PDE6A: variants seen among roughly 807,000 people sequenced by gnomAD.
PDE6A encodes phosphodiesterase 6A, also known as rod cGMP-specific 3',5'-cyclic phosphodiesterase subunit alpha.
Under a neutral mutation model 106.3 loss-of-function variants are expected in PDE6A, and 84 were observed. That is an observed-to-expected ratio of 0.79 (90% confidence interval 0.66 to 0.95). The LOEUF is 0.95. Among genes scored for constraint, PDE6A ranks in the 40% least tolerant of loss-of-function variants. PDE6A has a pLI of 0.00. For missense variants in PDE6A, 1,052 were observed against 1,084.9 expected (o/e 0.97, Z 0.43); for synonymous variants, 394 against 386.6 (o/e 1.02, Z -0.23).
At chr5:149,882,263 C>A (rs185397197) in intron 17 of PDE6A, among the ~76,000 whole-genome samples, 3 of 151,906 alleles carry the variant, frequency 2.0e-5, no homozygotes, top group Non-Finnish European at 2.9e-5. Context: ...CTGCCCCCCC[C>A]GTTTCCGGAG....
In PDE6A at chr5:149,944,286, G is replaced by C; in HGVS notation, c.388C>G (p.Gln130Glu). The C allele has an allele frequency of 6.2e-7, 1 of 1,613,984 alleles. No individual in the cohort carries two copies. Among genetic ancestry groups the C allele is most frequent in the East Asian group, 2.2e-5 (1 of 44,862 alleles). Reference sequence around the variant, plus strand: ...ATGTCCAAAGGGAAGACGATCTCTTGGTCGGGCATCACCAGGCAGTCCTCG... The same window carrying C: ...ATGTCCAAAGGGAAGACGATCTCTTCGTCGGGCATCACCAGGCAGTCCTCG... ...VLEDCLVMPD[Q>E]EIVFPLDMGI... The change falls in exon 1 of 22, where the codon CAA becomes GAA. Residue 130 changes from glutamine (Q) to glutamate (E), a missense_variant. Around this residue, in one of 3 missense-constraint regions of PDE6A, gnomAD observed 913 missense variants for 915.2 expected, o/e 1.00. Transcript: ENST00000255266.
At chr5:149,920,471 C>T (rs1249542401) in intron 5 of PDE6A, among the ~76,000 whole-genome samples, 1 of 152,112 alleles carries the variant, frequency 6.6e-6, no homozygotes, top group African/African-American at 2.4e-5. Context: ...ATCCTAGCTA[C>T]TCGGGAGGCT....
intron 4 of PDE6A, among the ~76,000 whole-genome samples, chr5:149,929,510 G>C (rs1561780365): frequency 6.6e-6 from 1 of 152,140 alleles, no homozygotes; most frequent in Non-Finnish European, 1.5e-5. Context: ...GGGAGACTGA[G>C]GCAGGAGAAT....
chr5:149,943,982 G>A (rs1473296141), intron 1 of PDE6A, among the ~76,000 whole-genome samples: 1 of 152,156 alleles, frequency 6.6e-6, no homozygotes, highest in Non-Finnish European at 1.5e-5. Context: ...AAATTTGGAT[G>A]AAAGACATAC....
chr5:149,939,301 G>C (rs73269798), intron 1 of PDE6A, among the ~76,000 whole-genome samples: 4 of 152,046 alleles, frequency 2.6e-5, no homozygotes, highest in Admixed American at 6.6e-5. Flanking sequence ...TAGCACAGAG[G>C]CTCCAAAAAC....
intron 9 of PDE6A, 86 bp downstream of exon 9, chr5:149,899,289 C>T (rs1339380030): frequency 6.6e-6 from 9 of 1,362,422 alleles, no homozygotes; most frequent in South Asian, 5.8e-5. Context: ...AGGTTGCTGC[C>T]CCATGTGATA....
intron 8 of PDE6A, among the ~76,000 whole-genome samples, chr5:149,902,343 C>T (rs148766445): frequency 6.6e-6 from 1 of 152,126 alleles, no homozygotes; most frequent in African/African-American, 2.4e-5. Flanking sequence ...GATGCCCCTC[C>T]TCTCCCCTCT....
chr5:149,910,195 A>T (rs987412642), intron 6 of PDE6A, among the ~76,000 whole-genome samples: 3 of 78,390 alleles, frequency 3.8e-5, no homozygotes, highest in African/African-American at 1.2e-4. Flanking sequence ...TGGTATGTCT[A>T]TTTTTCTATG....
intron 4 of PDE6A, among the ~76,000 whole-genome samples, chr5:149,928,113 A>G (rs1408599333): frequency 1.0e-4 from 15 of 149,032 alleles, no homozygotes; most frequent in Admixed American, 9.4e-4. Context: ...AAAATAATGG[A>G]AAAAAGTTGT....
rs77455557 is a variant in PDE6A at position 149,872,083 on chromosome 5, A to G, written c.2136-3925T>C. Among the ~76,000 whole-genome samples, 1,252 of 152,308 alleles carry G rather than the reference A, an allele frequency of 8.2e-3. 14 individuals carry two copies. Among genetic ancestry groups the G allele is most frequent in the African/African-American group, 0.028 (1,151 of 41,568 alleles). On this transcript the variant is annotated intron_variant, in intron 17 of 21. Coordinates refer to ENST00000255266, the MANE Select transcript of PDE6A (RefSeq NM_000440.3). ...TTATGCTCTCAGTAGACGAACTGTCAAGAGGAGGGGATGGAGTTCAATAGG... is the reference window on the plus strand; with the variant it reads ...TTATGCTCTCAGTAGACGAACTGTCGAGAGGAGGGGATGGAGTTCAATAGG...
intron 5 of PDE6A, among the ~76,000 whole-genome samples, chr5:149,918,286 G>A (rs186717853): frequency 4.6e-5 from 7 of 152,338 alleles, no homozygotes; most frequent in Admixed American, 1.3e-4. Context: ...GACACCACAC[G>A]TTTCCAGAGC....
chr5:149,912,702 A>G (rs1437634365), intron 6 of PDE6A, among the ~76,000 whole-genome samples: 1 of 152,190 alleles, frequency 6.6e-6, no homozygotes, highest in African/African-American at 2.4e-5. Flanking sequence ...CAGTGCACCC[A>G]TACTGGGATG....
At chr5:149,872,037 G>A (rs1760577848) in intron 17 of PDE6A, among the ~76,000 whole-genome samples, 1 of 152,114 alleles carries the variant, frequency 6.6e-6, no homozygotes, top group Non-Finnish European at 1.5e-5. Flanking sequence ...CAAAAATATT[G>A]TATGCTCAGA....
At chr5:149,928,094 G>A (rs1351531722) in intron 4 of PDE6A, among the ~76,000 whole-genome samples, 1 of 150,084 alleles carries the variant, frequency 6.7e-6, no homozygotes, top group Non-Finnish European at 1.5e-5. Flanking sequence ...AGTAGAAGGA[G>A]TCAACTCTAA....
rs754762237 is a variant in PDE6A, at chr5:149,896,472, C to T, written c.1504G>A (p.Glu502Lys). The change falls in exon 12 of 22, where the codon GAA becomes AAA. Residue 502 changes from glutamate to lysine, a missense_variant. This residue lies in a region of PDE6A where 913 missense variants were observed against 915.2 expected (regional missense o/e 1.00). Coordinates refer to ENST00000255266, the MANE Select transcript of PDE6A (RefSeq NM_000440.3). ...QAELPDADKY[E>K]INKFHFSDLP... ...TCACTGAAGTGAAATTTATTAATTT[C>T]GTATTTATCTGCATCTGGCAGCTCC... is the stretch of plus-strand genomic sequence containing the variant. The T allele has an allele frequency of 5.6e-6, 9 of 1,613,916 alleles. No homozygotes were observed. Among genetic ancestry groups the T allele is most frequent in the East Asian group, 2.2e-5 (1 of 44,884 alleles).
chr5:149,910,495 A>AT (rs1198747931), intron 6 of PDE6A, among the ~76,000 whole-genome samples: 4 of 151,848 alleles, frequency 2.6e-5, no homozygotes, highest in South Asian at 2.1e-4. Flanking sequence ...TTATACACAG[A>AT]TTTTTTATCA....
At chr5:149,881,703 C>G (rs182663124) in intron 17 of PDE6A, among the ~76,000 whole-genome samples, 1 of 152,184 alleles carries the variant, frequency 6.6e-6, no homozygotes, top group East Asian at 1.9e-4. Context: ...CACAATATAC[C>G]CATGTAACAA....
chr5:149,878,165 C>T (rs1292084380), intron 17 of PDE6A, among the ~76,000 whole-genome samples: 1 of 152,172 alleles, frequency 6.6e-6, no homozygotes, highest in East Asian at 1.9e-4. Context: ...AAAGAAAATG[C>T]TGATTCCCTT....
rs1760087491 is a variant in PDE6A at position 149,860,304 on chromosome 5, T to C, written c.*591A>G. On this transcript the variant is annotated 3_prime_UTR_variant, in exon 22 of 22. Transcript: ENST00000255266. The stretch of plus-strand genomic sequence containing the variant: ...GATATTGGAATCTGGGTGATGGGTA[T>C]GTGGGGATTCAACGTACAATTCTCT... The C allele has an allele frequency of 6.6e-6, 1 of 152,312 alleles. No homozygotes were observed. The highest frequency in any genetic ancestry group is 6.5e-5 in the Admixed American group (1 of 15,278). 9.4% of individuals were successfully genotyped at this position (152,312 alleles called of 1,614,324 possible).
Sources: gnomAD v4.1 joint callset for allele counts (sites outside exome capture counted in the v4.1 genomes callset) on GRCh38, gnomAD v4.1.1 for gene constraint, gnomAD v4.1.1 regional missense constraint, MANE v1.5 for transcripts, NCBI Gene and HGNC (gene_info 2026-07-23, HGNC 2026-07-21) for gene names.